The following IL20RA variants were observed in gnomAD, a reference collection of about 807,000 sequenced individuals.
The protein encoded by IL20RA is interleukin 20 receptor subunit alpha, also known as interleukin-20 receptor subunit alpha.
IL20RA carries 29 observed loss-of-function variants against 36.5 expected under a neutral mutation model. That is an observed-to-expected ratio of 0.79 (90% CI 0.59 to 1.08). The LOEUF is 1.08. Ranked by LOEUF, IL20RA falls within the 50% of genes least tolerant of loss-of-function variation. IL20RA has a pLI of 0.00. For synonymous variants in IL20RA, 279 were observed against 267.1 expected, an observed-to-expected ratio of 1.04 and a Z score of -0.43; for missense variants, 652 against 668.4, an observed-to-expected ratio of 0.98 and a Z score of 0.27.
intron 1 of IL20RA, among the ~76,000 whole-genome samples, chr6:137,020,968 C>T (rs189599613): frequency 5.9e-5 from 9 of 152,092 alleles, no homozygotes; most frequent in African/African-American, 1.9e-4. Context: ...TAGGTCACGT[C>T]TTGATATCAG....
At chr6:137,009,264 C>A (rs1180935986) in intron 4 of IL20RA, 53 bp downstream of exon 4, 1 of 1,427,634 alleles carries the variant, frequency 7.0e-7, no homozygotes, top group South Asian at 1.1e-5. Context: ...TTTGTTCCCA[C>A]ATTAGCTACA....
rs1562227038 is a variant in IL20RA at position 137,002,103 on chromosome 6, A to G, written c.1117T>C (p.Ser373Pro). 6.2e-7 allele frequency: 1 copy of G among 1,614,194 alleles called. No homozygotes were observed. Among genetic ancestry groups the G allele is most frequent in the South Asian group, 1.1e-5 (1 of 91,074 alleles). The change falls in exon 7 of 7, where the codon TCT (serine) becomes CCT (proline). Residue 373 changes from serine to proline, a missense_variant. By Grantham distance (74) the Ser-to-Pro change is moderately conservative. Coordinates refer to ENST00000316649, the MANE Select transcript of IL20RA (RefSeq NM_014432.4). ...GAAGTACCTTCCGTGTTTTCTTCAGAGTCACAAAAAATTTCCATCAAATGC... is the reference window on the plus strand; with the variant it reads ...GAAGTACCTTCCGTGTTTTCTTCAGGGTCACAAAAAATTTCCATCAAATGC... ...ASHLMEIFCD[S>P]EENTEGTSLT...
intron 1 of IL20RA, among the ~76,000 whole-genome samples, chr6:137,027,855 T>C (rs919342364): frequency 1.3e-5 from 2 of 152,244 alleles, no homozygotes; most frequent in African/African-American, 4.8e-5. Context: ...TCGCCTGGGA[T>C]ACTTACATTT....
At chr6:137,018,407 A>G (rs1454968845) in intron 1 of IL20RA, among the ~76,000 whole-genome samples, 1 of 152,152 alleles carries the variant, frequency 6.6e-6, no homozygotes, top group Non-Finnish European at 1.5e-5. Flanking sequence ...TGCTTGTGTT[A>G]TAATTGTCAT....
chr6:137,037,020 G>C (rs1423186132), intron 1 of IL20RA, among the ~76,000 whole-genome samples: 1 of 152,172 alleles, frequency 6.6e-6, no homozygotes, highest in Non-Finnish European at 1.5e-5. Context: ...TTAACTAGGA[G>C]CACATAGCTG....
chr6:137,028,186 G>A (rs1052515633), intron 1 of IL20RA, among the ~76,000 whole-genome samples: 10 of 152,180 alleles, frequency 6.6e-5, no homozygotes, highest in African/African-American at 2.4e-4. Flanking sequence ...GGGAGGCCGA[G>A]GTGGTTGGAT....
intron 6 of IL20RA, 53 bp downstream of exon 6, chr6:137,004,568 C>T (rs1248537838): frequency 3.3e-6 from 5 of 1,521,490 alleles, no homozygotes; most frequent in Non-Finnish European, 4.5e-6. Context: ...CCTCTTCTGT[C>T]CTCCTGGAGG....
At chr6:137,006,726 CT>C (rs35093154) in intron 5 of IL20RA, among the ~76,000 whole-genome samples, 28,886 of 144,234 alleles carry the variant, frequency 0.2, 3,279 homozygotes, top group Non-Finnish European at 0.28. Context: ...ATTTTTCTTT[CT>C]TTTTTTTTTT....
At chr6:137,039,257 CAGG>C (rs1776593919) in intron 1 of IL20RA, among the ~76,000 whole-genome samples, 1 of 152,130 alleles carries the variant, frequency 6.6e-6, no homozygotes, top group African/African-American at 2.4e-5. Flanking sequence ...TAGTTCTAGG[CAGG>C]AGGAGTGCAC....
chr6:137,014,064 A>G (rs947759895), intron 2 of IL20RA, among the ~76,000 whole-genome samples: 6 of 152,258 alleles, frequency 3.9e-5, no homozygotes, highest in Admixed American at 3.3e-4. Flanking sequence ...AGGCAAGGAC[A>G]TGCTCACGAG....
In IL20RA at chr6:137,022,953, C is replaced by T. The variant is rs142021963; in HGVS notation, c.89-5850G>A. Among the ~76,000 whole-genome samples the T allele has an allele frequency of 2.9e-3, 445 of 152,270 alleles. 3 individuals carry two copies. Among genetic ancestry groups the T allele is most frequent in the African/African-American group, 0.01 (421 of 41,558 alleles). ...GGTGCTGCCAACACCTTGATTTTGA[C>T]TTCTAGCTTCCAAAACTGTGAGAGA... is the stretch of plus-strand genomic sequence containing the variant. On this transcript the variant is annotated intron_variant, in intron 1 of 6. Transcript: ENST00000316649.
chr6:137,024,937 T>C (rs1179689464), intron 1 of IL20RA, among the ~76,000 whole-genome samples: 1 of 152,150 alleles, frequency 6.6e-6, no homozygotes, highest in African/African-American at 2.4e-5. Flanking sequence ...CCTTTGAGCT[T>C]TGAACGATGG....
At chr6:137,030,368 G>A (rs1776238914) in intron 1 of IL20RA, among the ~76,000 whole-genome samples, 2 of 152,118 alleles carry the variant, frequency 1.3e-5, no homozygotes, top group African/African-American at 4.8e-5. Flanking sequence ...TGACAGGCAT[G>A]AGCCACCATG....
chr6:137,024,345 G>C (rs276485), intron 1 of IL20RA, among the ~76,000 whole-genome samples: 1 of 152,118 alleles, frequency 6.6e-6, no homozygotes, highest in African/African-American at 2.4e-5. Flanking sequence ...ATCAACACCA[G>C]AGTGAAAACA....
chr6:137,008,775 G>A (rs761433453), intron 4 of IL20RA, 32 bp from the exon 5 acceptor site: 2 of 1,511,056 alleles, frequency 1.3e-6, no homozygotes, highest in East Asian at 2.5e-5. Flanking sequence ...ATTGGTTAGA[G>A]CCAGACATTT....
chr6:137,035,638 C>T (rs1274110254), intron 1 of IL20RA, among the ~76,000 whole-genome samples: 7 of 152,312 alleles, frequency 4.6e-5, no homozygotes, highest in African/African-American at 1.4e-4. Flanking sequence ...TTAGAAATTA[C>T]ACTGAGTCGG....
intron 1 of IL20RA, among the ~76,000 whole-genome samples, chr6:137,037,366 TA>T (rs1297970721): frequency 6.6e-6 from 1 of 152,068 alleles, no homozygotes; most frequent in Non-Finnish European, 1.5e-5. Flanking sequence ...CAGCAAAGAG[TA>T]GCCTTAGTTG....
chr6:137,038,436 A>T (rs1163902445), intron 1 of IL20RA, among the ~76,000 whole-genome samples: 1 of 151,180 alleles, frequency 6.6e-6, no homozygotes, highest in Admixed American at 6.6e-5. Context: ...GCCTCAAGTG[A>T]CCCTTCTGCC....
chr6:137,020,678 A>AT (rs887865119), intron 1 of IL20RA, among the ~76,000 whole-genome samples: 20 of 152,000 alleles, frequency 1.3e-4, no homozygotes, highest in African/African-American at 3.4e-4. Flanking sequence ...AACTTTTTGA[A>AT]TTTTTTTTTA....
Sources: gnomAD v4.1 joint callset for allele counts (sites outside exome capture counted in the v4.1 genomes callset) on GRCh38, gnomAD v4.1.1 for gene constraint, MANE v1.5 for transcripts, NCBI Gene and HGNC (gene_info 2026-07-23, HGNC 2026-07-21) for gene names.